Variants in A1BG observed in about 807,000 individuals in gnomAD.
A1BG encodes alpha-1-B glycoprotein, also known as alpha-1B-glycoprotein.
A1BG carries 44 observed loss-of-function variants against 46.0 expected under a neutral mutation model. That is an observed-to-expected ratio of 0.96 (90% CI 0.75 to 1.23). A1BG has a LOEUF of 1.23. Ranked by LOEUF, A1BG falls within the 50% of genes most tolerant of loss-of-function variation. A1BG has a pLI of 0.00. For missense variants in A1BG, 707 were observed against 688.8 expected (o/e 1.03, Z -0.30); for synonymous variants, 316 against 314.7 (o/e 1.00, Z -0.04).
Position 58,353,007 on chromosome 19 carries a change from G to T in A1BG, c.261C>A (p.Thr87=). The T allele has an allele frequency of 6.2e-7, 1 of 1,614,048 alleles. No individual in the cohort carries two copies. Among genetic ancestry groups the T allele is most frequent in the Non-Finnish European group, 8.5e-7 (1 of 1,180,026 alleles). The part of the protein sequence containing the change: ...IKHQFLLTGD[T]QGRYRCRSGL... ...CCGAGCGGCAGCGGTAGCGGCCCTG[G>T]GTGTCACCCGTCAGCAGGAACTGGT... Residue 87 remains threonine, a synonymous_variant, in exon 3 of 8, where the codon ACC becomes ACA. Coordinates refer to ENST00000263100, the MANE Select transcript of A1BG (RefSeq NM_130786.4).
chr19:58,350,535 C>T lies in A1BG; in HGVS notation c.1027G>A (p.Gly343Arg). 1.9e-6 allele frequency: 3 copies of T among 1,549,548 alleles called. No individual in the cohort carries two copies. The highest frequency in any genetic ancestry group is 2.6e-6 in the Non-Finnish European group (3 of 1,146,674). Reference protein sequence around the residue: ...RFALVREDRGGRRVHRFQSPA... With the variant: ...RFALVREDRGRRRVHRFQSPA... The stretch of plus-strand genomic sequence containing the variant: ...CTCTGGAAACGGTGCACGCGGCGCC[C>T]GCCCCTGTCCTCGCGCACCAGGGCG... The change falls in exon 6 of 8, where the codon GGG (glycine) becomes AGG (arginine). Residue 343 changes from glycine (G) to arginine (R), a missense_variant. Physicochemically the swap from Gly to Arg is moderately radical, Grantham distance 125. Coordinates refer to ENST00000263100, the MANE Select transcript of A1BG (RefSeq NM_130786.4).
At position 58,350,402 on chromosome 19, in the gene A1BG, G is replaced by A. The variant is rs1159092828; in HGVS notation, c.1160C>T (p.Ala387Val). 12 of 1,549,298 alleles carry A rather than the reference G, an allele frequency of 7.7e-6. No individual in the cohort carries two copies. In the African/African-American group the frequency reaches 1.2e-4, roughly 16 times the overall value. ...VDLKPPFGGS[A>V]PSERLELHVD... The stretch of plus-strand genomic sequence containing the variant: ...GTGCAGCTCCAAGCGCTCGCTGGGC[G>A]CGGAGCCCCCGAAAGGCGGCTTCAG... Residue 387 changes from alanine (A) to valine (V), a missense_variant, in exon 6 of 8, where the codon GCG (alanine) becomes GTG (valine). Ala to Val is a moderately conservative substitution (Grantham distance 64). Transcript: ENST00000263100.
In A1BG at chr19:58,352,512, C is replaced by T; in HGVS notation, c.384G>A (p.Trp128Ter). Residue 128 changes from tryptophan to a stop codon, truncating the protein, a stop_gained, in exon 4 of 8, where the codon TGG becomes TGA. Coordinates refer to ENST00000263100, the MANE Select transcript of A1BG (RefSeq NM_130786.4). LOFTEE classifies it high-confidence loss of function. ...CTGTTGTTTTCAGGCCGGGGGTGATCCAGGACACTGGCGCCATCGAGAGCC... is the reference window on the plus strand; with the variant it reads ...CTGTTGTTTTCAGGCCGGGGGTGATTCAGGACACTGGCGCCATCGAGAGCC... ...APWLSMAPVSWITPGLKTTAV... is the reference protein window; with the variant it reads ...APWLSMAPVS 1 of 1,612,384 alleles carries T rather than the reference C, an allele frequency of 6.2e-7. No individual in the cohort carries two copies. Among genetic ancestry groups the T allele is most frequent in the Middle Eastern group, 1.6e-4 (1 of 6,062 alleles).
intron 3 of A1BG, 124 bp from the exon 4 acceptor site, chr19:58,352,679 A>G (rs2148001578): frequency 1.5e-6 from 2 of 1,338,558 alleles, no homozygotes; most frequent in East Asian, 4.6e-5. Context: ...TTGCTGGGAA[A>G]AGGCAGGCAG....
intron 6 of A1BG, chr19:58,349,269 G>C (rs993117723): frequency 6.6e-6 from 1 of 152,020 alleles, no homozygotes; most frequent in Non-Finnish European, 1.5e-5. Context: ...ACCCGCCTTG[G>C]CCTCCCAAAG....
At position 58,353,467 on chromosome 19, in the gene A1BG, T is replaced by C. The variant is rs762191443; in HGVS notation, c.-30A>G. 1.9e-6 allele frequency: 3 copies of C among 1,594,990 alleles called. No individual in the cohort carries two copies. The South Asian group carries it at 3.4e-5, about 18-fold the overall frequency. ...GTCGCGCTCACTCCGGTGCAGTGAG[T>C]GTCTGGGGTGAGCGTCTGCAGCAAT... is the stretch of plus-strand genomic sequence containing the variant. On this transcript the variant is annotated 5_prime_UTR_variant, in exon 1 of 8. Coordinates refer to ENST00000263100, the MANE Select transcript of A1BG (RefSeq NM_130786.4).
At position 58,347,688 on chromosome 19, in the gene A1BG, GCCCCAGGCCACACCCCAGGCCACA is replaced by G. The variant is rs746134225; in HGVS notation, c.1193-72_1193-49del. The G allele has an allele frequency of 3.3e-4, 338 of 1,025,828 alleles. 1 individual carries two copies. The highest frequency in any genetic ancestry group is 8.6e-4 in the East Asian group (25 of 29,224). 63.5% of individuals were successfully genotyped at this position (1,025,828 alleles called of 1,614,324 possible). A position where few individuals can be genotyped will look rare whatever the true frequency, so the allele number is the denominator to read the frequency against. ...CGGGCCAGGCCACGCCCCAGGCCAC[GCCCCAGGCCACACCCCAGGCCACA>G]CCCCAGGCCGCGCCCGCGCCTGCGC... On this transcript the variant is annotated intron_variant, in intron 6 of 7. Transcript: ENST00000263100.
In A1BG at chr19:58,347,481, G is replaced by A; in HGVS notation, c.1352C>T (p.Ala451Val). The A allele has an allele frequency of 6.3e-7, 1 of 1,599,046 alleles. No individual in the cohort carries two copies. Among genetic ancestry groups the A allele is most frequent in the Non-Finnish European group, 8.5e-7 (1 of 1,171,710 alleles). Reference protein sequence around the residue: ...KAVKTVRTPGAAANLELIFVG... With the variant: ...KAVKTVRTPGVAANLELIFVG... The stretch of plus-strand genomic sequence containing the variant: ...GAAGATCAGCTCGAGGTTCGCCGCG[G>A]CCCCGGGGGTGCGGACCGTCTTCAC... The change falls in exon 7 of 8, where the codon GCC (alanine) becomes GTC (valine). Residue 451 changes from alanine (A) to valine (V), a missense_variant. Transcript: ENST00000263100.
Position 58,353,164 on chromosome 19 carries a change from G to T in A1BG, c.104C>A (p.Ser35Tyr). The change falls in exon 3 of 8, where the codon TCC (serine) becomes TAC (tyrosine). Residue 35 changes from serine to tyrosine, a missense_variant. Ser to Tyr is a moderately radical substitution (Grantham distance 144, BLOSUM62 -2). Coordinates refer to ENST00000263100, the MANE Select transcript of A1BG (RefSeq NM_130786.4). Reference sequence around the variant, plus strand: ...GGCCAAGGGTTTCAGCAGTGATTCGGACTCTGCCCACAGGCTGGGCTGCGT... The same window carrying T: ...GGCCAAGGGTTTCAGCAGTGATTCGTACTCTGCCCACAGGCTGGGCTGCGT... ...YETQPSLWAE[S>Y]ESLLKPLANV... The T allele has an allele frequency of 6.2e-7, 1 of 1,614,136 alleles. No individual in the cohort carries two copies. The highest frequency in any genetic ancestry group is 8.5e-7 in the Non-Finnish European group (1 of 1,180,002).
intron 6 of A1BG, 42 bp from the exon 7 acceptor site, chr19:58,347,682 G>C: frequency 5.5e-6 from 7 of 1,273,742 alleles, no homozygotes; most frequent in Non-Finnish European, 6.9e-6. Context: ...CCACGCCCCA[G>C]GCCACGCCCC....
In A1BG at chr19:58,346,920, C is replaced by T; in HGVS notation, c.*102G>A. ...GGAATGAGGGAGGCTTCTCCAGCCC[C>T]CCAGAGACCCCGGCCTTGTGCTGCA... On this transcript the variant is annotated 3_prime_UTR_variant, in exon 8 of 8. Coordinates refer to ENST00000263100, the MANE Select transcript of A1BG (RefSeq NM_130786.4). 1 of 1,282,334 alleles carries T rather than the reference C, an allele frequency of 7.8e-7. No individual in the cohort carries two copies. Among genetic ancestry groups the T allele is most frequent in the East Asian group, 2.3e-5 (1 of 43,356 alleles). The allele number at this position is 1,282,334 out of a possible 1,614,324, so 79.4% of individuals were successfully genotyped here.
intron 5 of A1BG, chr19:58,351,179 G>A: frequency 1.5e-6 from 1 of 663,292 alleles, no homozygotes; most frequent in Non-Finnish European, 2.6e-6. Flanking sequence ...GCCTGGGCCA[G>A]ACCTGTTCAC....
chr19:58,352,160 T>A, intron 4 of A1BG, 123 bp downstream of exon 4: 2 of 1,515,080 alleles, frequency 1.3e-6, no homozygotes, highest in South Asian at 1.3e-5. Context: ...CAGGCAACCG[T>A]GTGGCCAGCT....
In A1BG at chr19:58,347,510, C is replaced by G. The variant is rs139020123; in HGVS notation, c.1323G>C (p.Lys441Asn). The change falls in exon 7 of 8, where the codon AAG becomes AAC. Residue 441 changes from lysine (K) to asparagine (N), a missense_variant. Lys to Asn is a moderately conservative substitution (Grantham distance 94). Coordinates refer to ENST00000263100, the MANE Select transcript of A1BG (RefSeq NM_130786.4). Reference protein sequence around the residue: ...TFELLREGETKAVKTVRTPGA... With the variant: ...TFELLREGETNAVKTVRTPGA... ...CGGGGGTGCGGACCGTCTTCACGGCCTTCGTCTCGCCCTCGCGCAGCAGCT... is the reference window on the plus strand; with the variant it reads ...CGGGGGTGCGGACCGTCTTCACGGCGTTCGTCTCGCCCTCGCGCAGCAGCT... 20 of 1,587,666 alleles carry G rather than the reference C, an allele frequency of 1.3e-5. No individual in the cohort carries two copies. The African/African-American group carries it at 2.7e-4, about 21-fold the overall frequency.
chr19:58,353,031 G>A lies in A1BG; in HGVS notation c.237C>T (p.His79=). The change falls in exon 3 of 8, where the codon CAC becomes CAT. Residue 79 remains histidine (H), a synonymous_variant. Transcript: ENST00000263100. ...PVHLDSPAIK[H]QFLLTGDTQG... ...GGGTGTCACCCGTCAGCAGGAACTGGTGCTTGATGGCAGGTGAGTCAAGGT... is the reference window on the plus strand; with the variant it reads ...GGGTGTCACCCGTCAGCAGGAACTGATGCTTGATGGCAGGTGAGTCAAGGT... 1.2e-6 allele frequency: 2 copies of A among 1,614,136 alleles called. No homozygotes were observed. The highest frequency in any genetic ancestry group is 1.1e-5 in the South Asian group (1 of 91,090).
In A1BG at chr19:58,352,416, C is replaced by G; in HGVS notation, c.480G>C (p.Glu160Asp). ...LRREGDHEFL[E>D]VPEAQEDVEA... is the part of the protein sequence containing the mutation. Reference sequence around the variant, plus strand: ...CCACATCCTCCTGGGCCTCAGGCACCTCCAGAAACTCATGGTCGCCCTCCC... The same window carrying G: ...CCACATCCTCCTGGGCCTCAGGCACGTCCAGAAACTCATGGTCGCCCTCCC... The change falls in exon 4 of 8, where the codon GAG becomes GAC. Residue 160 changes from glutamate to aspartate, a missense_variant. Glu to Asp is a conservative substitution (Grantham distance 45). Coordinates refer to ENST00000263100, the MANE Select transcript of A1BG (RefSeq NM_130786.4). 1 of 1,613,820 alleles carries G rather than the reference C, an allele frequency of 6.2e-7. No individual in the cohort carries two copies. The highest frequency in any genetic ancestry group is 1.3e-5 in the African/African-American group (1 of 74,976).
In A1BG at chr19:58,351,667, G is replaced by A; in HGVS notation, c.634C>T (p.Leu212=). ...EELAAPPPPV[L]MHHGESSQVL... ...TGGGAGGACTCTCCATGGTGCATCA[G>A]CACAGGCGGTGGTGGTGCAGCTGCA... The change falls in exon 5 of 8, where the codon CTG becomes TTG. Residue 212 remains leucine, a synonymous_variant. Transcript: ENST00000263100. 1.2e-6 allele frequency: 2 copies of A among 1,601,618 alleles called. No individual in the cohort carries two copies. Among genetic ancestry groups the A allele is most frequent in the Non-Finnish European group, 1.7e-6 (2 of 1,174,596 alleles).
At chr19:58,352,708 C>T in intron 3 of A1BG, 153 bp from the exon 4 acceptor site, 1 of 1,197,632 alleles carries the variant, frequency 8.3e-7, no homozygotes, top group Non-Finnish European at 1.2e-6. Context: ...GGAAACAAGG[C>T]ATACGGCAAG....
At chr19:58,351,291 C>T (rs2051955492) in intron 5 of A1BG, 100 bp downstream of exon 5, 1 of 1,462,158 alleles carries the variant, frequency 6.8e-7, no homozygotes. Flanking sequence ...GGTATTGGAC[C>T]CTGGCCCAGA....
Sources: gnomAD v4.1 joint callset for allele counts on GRCh38, gnomAD v4.1.1 for gene constraint, MANE v1.5 for transcripts, NCBI Gene and HGNC (gene_info 2026-07-23, HGNC 2026-07-21) for gene names.